Variants in RIMS1 observed in about 807,000 individuals in gnomAD.
The protein encoded by RIMS1 is regulating synaptic membrane exocytosis 1.
RIMS1 carries 83 observed loss-of-function variants against 214.1 expected under a neutral mutation model. The ratio of observed to expected loss-of-function variants is 0.39; its 90% CI spans 0.32 to 0.47. The LOEUF (loss-of-function observed/expected upper bound fraction) is 0.47. RIMS1 is among the 20% of genes least tolerant of loss of function. The probability of loss-of-function intolerance (pLI) is 0.99; values close to 1 mark genes in which losing one functional copy is unlikely to be tolerated. For synonymous variants in RIMS1, 793 were observed against 786.8 expected (o/e 1.01, Z -0.13); for missense variants, 2,050 against 2,161.8 (o/e 0.95, Z 1.03).
chr6:72,094,780 G>A (rs1258578645), intron 2 of RIMS1, among the ~76,000 whole-genome samples: 1 of 151,930 alleles, frequency 6.6e-6, no homozygotes, highest in South Asian at 2.1e-4. Context: ...TAGAATAAGT[G>A]TATAGGGAAA....
chr6:72,002,918 G>A (rs528960765), intron 2 of RIMS1, among the ~76,000 whole-genome samples: 1 of 152,304 alleles, frequency 6.6e-6, no homozygotes, highest in South Asian at 2.1e-4. Context: ...TTACATAGCA[G>A]AATCTGTGGG....
intron 2 of RIMS1, among the ~76,000 whole-genome samples, chr6:72,025,187 G>A (rs2151965999): frequency 6.6e-6 from 1 of 152,248 alleles, no homozygotes; most frequent in Middle Eastern, 3.4e-3. Flanking sequence ...ACAGACATGA[G>A]CCACCGCACC....
intron 2 of RIMS1, among the ~76,000 whole-genome samples, chr6:71,977,528 T>C (rs1195671283): frequency 6.6e-6 from 1 of 152,060 alleles, no homozygotes; most frequent in Non-Finnish European, 1.5e-5. Flanking sequence ...CAAACAAAAA[T>C]AGATGATAAA....
chr6:72,148,463 G>A (rs1012311137), intron 4 of RIMS1, among the ~76,000 whole-genome samples: 1 of 152,116 alleles, frequency 6.6e-6, no homozygotes, highest in Admixed American at 6.5e-5. Flanking sequence ...CCATCCATGG[G>A]TGCCAGTGTG....
chr6:72,376,004 C>A (rs148755276), intron 29 of RIMS1, among the ~76,000 whole-genome samples: 12 of 152,286 alleles, frequency 7.9e-5, no homozygotes, highest in Admixed American at 2.0e-4. Flanking sequence ...TCTGGTACAT[C>A]TGAATTTACT....
chr6:71,902,748 G>A (rs774754073), intron 1 of RIMS1, among the ~76,000 whole-genome samples: 8 of 151,972 alleles, frequency 5.3e-5, no homozygotes, highest in Non-Finnish European at 1.2e-4. Flanking sequence ...TCATTGTTCA[G>A]CTCCCACTTA....
Position 72,006,278 on chromosome 6 carries a change from G to A in RIMS1, c.245+37215G>A, listed in dbSNP as rs140641461. 3.2e-3 allele frequency among the ~76,000 whole-genome samples: 481 copies of A among 152,250 alleles called. 1 individual carries two copies. Among genetic ancestry groups the A allele is most frequent in the Non-Finnish European group, 5.0e-3 (337 of 68,014 alleles). On this transcript the variant is annotated intron_variant, in intron 2 of 33. Transcript: ENST00000521978. ...TGCAGGGGTCCCAAACATTCATTCC[G>A]TTGCAACTTAGTTAGGGTTTTCAAG...
chr6:72,095,181 T>A (rs978623737), intron 2 of RIMS1, among the ~76,000 whole-genome samples: 1 of 149,624 alleles, frequency 6.7e-6, no homozygotes, highest in Admixed American at 6.7e-5. Context: ...GCCAGGATTG[T>A]CTTGATCTCC....
intron 2 of RIMS1, among the ~76,000 whole-genome samples, chr6:71,982,075 G>A (rs894403693): frequency 1.3e-5 from 2 of 151,988 alleles, no homozygotes; most frequent in African/African-American, 2.4e-5. Flanking sequence ...ATGGAGTAGA[G>A]GATATGGAGG....
intron 10 of RIMS1, among the ~76,000 whole-genome samples, chr6:72,243,201 C>T (rs2154115693): frequency 6.6e-6 from 1 of 151,648 alleles, no homozygotes; most frequent in East Asian, 1.9e-4. Flanking sequence ...CCCTATTCTC[C>T]AAAATTTAAT....
intron 29 of RIMS1, among the ~76,000 whole-genome samples, chr6:72,386,059 A>T (rs1005867368): frequency 6.6e-6 from 1 of 152,210 alleles, no homozygotes. Context: ...AGAAAATTCA[A>T]TAACTAGCCC....
intron 6 of RIMS1, among the ~76,000 whole-genome samples, chr6:72,206,647 C>G (rs2052968954): frequency 6.6e-6 from 1 of 152,108 alleles, no homozygotes; most frequent in Non-Finnish European, 1.5e-5. Flanking sequence ...ATTCTAGTTG[C>G]GTATATAGCA....
chr6:72,256,125 T>A (rs181088010), intron 16 of RIMS1, among the ~76,000 whole-genome samples: 10 of 152,226 alleles, frequency 6.6e-5, no homozygotes, highest in Non-Finnish European at 1.5e-4. Context: ...AAAATCAAAT[T>A]TTTTGTAAAA....
chr6:71,957,986 A>G (rs553810178), intron 1 of RIMS1, among the ~76,000 whole-genome samples: 1 of 152,282 alleles, frequency 6.6e-6, no homozygotes, highest in Admixed American at 6.5e-5. Context: ...ATGGCAACTT[A>G]TACAGGGCAG....
At chr6:72,059,961 G>A (rs1013833100) in intron 2 of RIMS1, among the ~76,000 whole-genome samples, 4 of 151,510 alleles carry the variant, frequency 2.6e-5, no homozygotes, top group African/African-American at 7.3e-5. Flanking sequence ...TTTTTGAGAC[G>A]GAGTTTTGCT....
At chr6:72,054,275 G>A (rs554171837) in intron 2 of RIMS1, among the ~76,000 whole-genome samples, 1 of 152,234 alleles carries the variant, frequency 6.6e-6, no homozygotes, top group South Asian at 2.1e-4. Flanking sequence ...TTTCATGGCT[G>A]CATAATATTC....
chr6:72,266,958 G>A (rs2080881550), intron 22 of RIMS1, among the ~76,000 whole-genome samples: 1 of 151,960 alleles, frequency 6.6e-6, no homozygotes, highest in Non-Finnish European at 1.5e-5. Flanking sequence ...TTTTCTTTAG[G>A]TAACTTTCTA....
At chr6:72,266,076 C>T (rs1002796636) in intron 22 of RIMS1, 27 bp downstream of exon 22, 16 of 1,484,084 alleles carry the variant, frequency 1.1e-5, no homozygotes, top group Non-Finnish European at 1.5e-5. Context: ...TTCTTAATTT[C>T]TTATCATTTG....
chr6:72,378,629 C>A (rs1033360347), intron 29 of RIMS1, among the ~76,000 whole-genome samples: 1 of 152,006 alleles, frequency 6.6e-6, no homozygotes, highest in Admixed American at 6.6e-5. Context: ...CAGGAGTTCA[C>A]GACCAGCCTG....
Sources: allele counts gnomAD v4.1 joint callset (sites outside exome capture counted in the v4.1 genomes callset), GRCh38; gene constraint gnomAD v4.1.1; transcripts MANE v1.5; gene names NCBI Gene and HGNC (gene_info 2026-07-23, HGNC 2026-07-21).